The following ZFHX3 variants were observed in gnomAD, a reference collection of about 807,000 sequenced individuals.
ZFHX3 encodes zinc finger homeobox 3.
ZFHX3 carries 42 observed loss-of-function variants against 279.1 expected under a neutral mutation model. The ratio of observed to expected loss-of-function variants is 0.15; its 90% CI spans 0.12 to 0.19. ZFHX3 has a LOEUF of 0.19. Among genes scored for constraint, ZFHX3 ranks in the 10% least tolerant of loss-of-function variants. ZFHX3 has a pLI of 1.00. For synonymous variants in ZFHX3, 2,293 were observed against 1,957.8 expected (o/e 1.17, Z -4.52); for missense variants, 4,981 against 4,754.0 (o/e 1.05, Z -1.40).
At chr16:73,137,366 T>G (rs1966812687) in intron 6 of ZFHX3, 1 of 152,108 alleles carries the variant, frequency 6.6e-6, no homozygotes, top group African/African-American at 2.4e-5. Context: ...ATATGGATGT[T>G]GAGATACACA....
intron 4 of ZFHX3, among the ~76,000 whole-genome samples, chr16:72,830,812 G>A (rs980975137): frequency 2.0e-5 from 3 of 152,202 alleles, no homozygotes; most frequent in Non-Finnish European, 2.9e-5. Flanking sequence ...CTAAGGGAAT[G>A]AATAAAGTGG....
intron 3 of ZFHX3, among the ~76,000 whole-genome samples, chr16:73,396,669 C>T (rs2017136212): frequency 6.6e-6 from 1 of 152,096 alleles, no homozygotes; most frequent in African/African-American, 2.4e-5. Context: ...TATCAAACAA[C>T]CAGATCTTGT....
intron 4 of ZFHX3, among the ~76,000 whole-genome samples, chr16:72,858,232 A>G (rs1466916042): frequency 6.6e-6 from 1 of 152,240 alleles, no homozygotes; most frequent in African/African-American, 2.4e-5. Context: ...CAAAGCAACG[A>G]GGCTGACTTT....
At chr16:73,715,369 G>A (rs914193888) in intron 1 of ZFHX3, among the ~76,000 whole-genome samples, 1 of 152,086 alleles carries the variant, frequency 6.6e-6, no homozygotes, top group Non-Finnish European at 1.5e-5. Flanking sequence ...CCACACGGAC[G>A]TAGACTTGCG....
At chr16:73,449,053 T>C (rs12444204) in intron 3 of ZFHX3, among the ~76,000 whole-genome samples, 87,887 of 151,976 alleles carry the variant, frequency 0.58, 30,260 homozygotes, top group Non-Finnish European at 0.78. Flanking sequence ...CACTGAAATA[T>C]TCTCAAACTC....
At chr16:73,229,080 G>C (rs13330316) in intron 5 of ZFHX3, among the ~76,000 whole-genome samples, 4,743 of 152,168 alleles carry the variant, frequency 0.031, 262 homozygotes, top group African/African-American at 0.11. Context: ...TATTAGAGAT[G>C]GTCAGTATTG....
chr16:72,860,251 C>T (rs1183728266), intron 4 of ZFHX3, among the ~76,000 whole-genome samples: 4 of 152,074 alleles, frequency 2.6e-5, no homozygotes, highest in Non-Finnish European at 5.9e-5. Context: ...GGGATGGTGC[C>T]GCAGACACCC....
At chr16:73,728,442 C>A (rs778704517) in intron 1 of ZFHX3, among the ~76,000 whole-genome samples, 1 of 152,166 alleles carries the variant, frequency 6.6e-6, no homozygotes, top group South Asian at 2.1e-4. Flanking sequence ...TATTAGATAG[C>A]CCAGATAGAG....
intron 2 of ZFHX3, among the ~76,000 whole-genome samples, chr16:73,561,156 A>T (rs1247042991): frequency 1.3e-5 from 2 of 152,218 alleles, no homozygotes; most frequent in Non-Finnish European, 2.9e-5. Flanking sequence ...GCTAAATCTG[A>T]CAGTGCTGCA....
At chr16:73,378,017 A>G (rs2016752124) in intron 3 of ZFHX3, among the ~76,000 whole-genome samples, 1 of 126,824 alleles carries the variant, frequency 7.9e-6, no homozygotes, top group East Asian at 2.5e-4. Flanking sequence ...TGGGTGACAG[A>G]GAGACTCTGT....
rs555437790 is a variant in ZFHX3, at chr16:73,037,442, G to C, written c.-50+10310C>G. Reference sequence around the variant, plus strand: ...AGAACCTGCCACCCAGGGCTGTTCTGTTTACTAGGAAAGTCTGCTGGGTGT... The same window carrying C: ...AGAACCTGCCACCCAGGGCTGTTCTCTTTACTAGGAAAGTCTGCTGGGTGT... On this transcript the variant is annotated intron_variant, in intron 1 of 9. Coordinates refer to ENST00000268489, the MANE Select transcript of ZFHX3 (RefSeq NM_006885.4). Among the ~76,000 whole-genome samples, 5 of 152,270 alleles carry C rather than the reference G, an allele frequency of 3.3e-5. No homozygotes were observed. In the South Asian group the frequency reaches 8.3e-4, roughly 25 times the overall value.
chr16:73,161,879 A>AT (rs1967243627), intron 5 of ZFHX3, among the ~76,000 whole-genome samples: 1 of 152,208 alleles, frequency 6.6e-6, no homozygotes, highest in African/African-American at 2.4e-5. Context: ...AGAACTCAGA[A>AT]TTGTGACTTT....
chr16:73,056,272 TTCTA>T (rs970843139), intron 1 of ZFHX3, among the ~76,000 whole-genome samples: 5 of 152,204 alleles, frequency 3.3e-5, no homozygotes, highest in Non-Finnish European at 5.9e-5. Flanking sequence ...TGTGTCTGTA[TTCTA>T]TCTCTCTTCT....
At chr16:73,222,310 T>A (rs1159991693) in intron 5 of ZFHX3, among the ~76,000 whole-genome samples, 1 of 152,060 alleles carries the variant, frequency 6.6e-6, no homozygotes, top group Non-Finnish European at 1.5e-5. Flanking sequence ...ATCGTCTATG[T>A]AGGAAATCTG....
At chr16:73,854,050 C>CA (rs1961656652) in intron 1 of ZFHX3, among the ~76,000 whole-genome samples, 1 of 152,142 alleles carries the variant, frequency 6.6e-6, no homozygotes, top group Admixed American at 6.5e-5. Context: ...GCATACAGCA[C>CA]AATTTATTTT....
intron 1 of ZFHX3, among the ~76,000 whole-genome samples, chr16:73,805,806 G>A (rs1597123788): frequency 6.6e-6 from 1 of 152,212 alleles, no homozygotes; most frequent in African/African-American, 2.4e-5. Flanking sequence ...AAGGATAGCA[G>A]AGTAAAGAGA....
chr16:73,370,851 C>T (rs1297786028), intron 3 of ZFHX3, among the ~76,000 whole-genome samples: 1 of 152,188 alleles, frequency 6.6e-6, no homozygotes, highest in Non-Finnish European at 1.5e-5. Context: ...TCTCTTTTTC[C>T]AGTCATCTCA....
intron 1 of ZFHX3, among the ~76,000 whole-genome samples, chr16:73,728,023 C>CCCCCG (rs1555535449): frequency 2.7e-5 from 3 of 109,164 alleles, no homozygotes; most frequent in Admixed American, 1.1e-4. Context: ...GTGCCCCCCC[C>CCCCCG]CCGCCCCCAA....
intron 1 of ZFHX3, among the ~76,000 whole-genome samples, chr16:73,762,965 T>C (rs1030474825): frequency 6.6e-6 from 1 of 152,190 alleles, no homozygotes; most frequent in Non-Finnish European, 1.5e-5. Context: ...ATCCTGCACA[T>C]GTACCCTAGA....
Sources: gnomAD v4.1 joint callset for allele counts (sites outside exome capture counted in the v4.1 genomes callset) on GRCh38, gnomAD v4.1.1 for gene constraint, MANE v1.5 for transcripts, NCBI Gene and HGNC (gene_info 2026-07-23, HGNC 2026-07-21) for gene names.